SHANK2: variants seen among roughly 807,000 people sequenced by gnomAD.
SHANK2 encodes SH3 and multiple ankyrin repeat domains 2.
In SHANK2, 43 loss-of-function variants were observed where a neutral mutation model predicts 133.7. The ratio of observed to expected loss-of-function variants is 0.32; its 90% CI spans 0.25 to 0.41. The LOEUF is 0.41. SHANK2 is among the 10% of genes least tolerant of loss of function. SHANK2 has a pLI of 1.00. For synonymous variants in SHANK2, 1,017 were observed against 952.8 expected (o/e 1.07, Z -1.24); for missense variants, 1,994 against 2,235.8 (o/e 0.89, Z 2.18).
intron 15 of SHANK2, chr11:70,662,040 G>C (rs1053626313): frequency 3.9e-6 from 2 of 513,756 alleles, no homozygotes; most frequent in African/African-American, 3.9e-5. Context: ...TGGCCCGAAC[G>C]GCGGCGGCGG....
chr11:70,746,986 T>C (rs1247769051), intron 14 of SHANK2, among the ~76,000 whole-genome samples: 1 of 67,824 alleles, frequency 1.5e-5, no homozygotes, highest in Non-Finnish European at 3.1e-5. Flanking sequence ...CCTCCCTCCA[T>C]CCCTGCACCC....
rs574175484 is a variant in SHANK2, at chr11:71,225,265, A to G, written c.-112-469T>C. Among the ~76,000 whole-genome samples the G allele has an allele frequency of 1.2e-4, 18 of 152,294 alleles. 1 individual carries two copies. In the East Asian group the frequency reaches 2.9e-3, roughly 25 times the overall value. Reference sequence around the variant, plus strand: ...CAGAAAAATCTGTGGCCTCAGCCCCACCCACAGCAGCAAAGGCCGAGTAGG... The same window carrying G: ...CAGAAAAATCTGTGGCCTCAGCCCCGCCCACAGCAGCAAAGGCCGAGTAGG... On this transcript the variant is annotated intron_variant, in intron 1 of 25. Coordinates refer to ENST00000601538, the MANE Select transcript of SHANK2 (RefSeq NM_012309.5).
At chr11:70,782,516 C>G (rs1947524948) in intron 14 of SHANK2, among the ~76,000 whole-genome samples, 2 of 152,190 alleles carry the variant, frequency 1.3e-5, no homozygotes, top group Non-Finnish European at 2.9e-5. Context: ...CCCGCCTTCT[C>G]CAAGTTATAA....
At chr11:70,942,278 G>C (rs1950659003) in intron 10 of SHANK2, among the ~76,000 whole-genome samples, 1 of 152,198 alleles carries the variant, frequency 6.6e-6, no homozygotes, top group African/African-American at 2.4e-5. Context: ...CTTCTGGTGA[G>C]GGTTTCTGTG....
chr11:70,710,742 G>T (rs782654939), intron 14 of SHANK2, among the ~76,000 whole-genome samples: 1 of 152,156 alleles, frequency 6.6e-6, no homozygotes, highest in Non-Finnish European at 1.5e-5. Context: ...ACTCCTCCCC[G>T]AGCCTGCAGC....
intron 11 of SHANK2, 75 bp from the exon 12 acceptor site, chr11:70,820,757 G>C: frequency 1.7e-6 from 1 of 598,632 alleles, no homozygotes; most frequent in Non-Finnish European, 3.0e-6. Flanking sequence ...CCCTAGGGAG[G>C]TGCAGGCCTG....
chr11:71,219,073 A>G (rs572377601), intron 2 of SHANK2, among the ~76,000 whole-genome samples: 379 of 152,328 alleles, frequency 2.5e-3, no homozygotes, highest in African/African-American at 8.2e-3. Context: ...ATCACGTGCA[A>G]TGTCCCACAT....
At chr11:71,134,088 AGT>A (rs1212942528) in intron 3 of SHANK2, among the ~76,000 whole-genome samples, 1 of 151,902 alleles carries the variant, frequency 6.6e-6, no homozygotes, top group Non-Finnish European at 1.5e-5. Flanking sequence ...GTGACTTGAC[AGT>A]GCAGAAAGCT....
chr11:70,918,899 T>G (rs1384053459), intron 10 of SHANK2, among the ~76,000 whole-genome samples: 1 of 152,164 alleles, frequency 6.6e-6, no homozygotes, highest in Admixed American at 6.5e-5. Context: ...GCACAGTGGC[T>G]CAGCCTGTAA....
chr11:70,568,112 T>G (rs1176461238), intron 17 of SHANK2, among the ~76,000 whole-genome samples: 2 of 152,188 alleles, frequency 1.3e-5, no homozygotes, highest in African/African-American at 4.8e-5. Context: ...CGATCCTGCC[T>G]GCAATGGATC....
chr11:70,760,550 T>TA, intron 14 of SHANK2, among the ~76,000 whole-genome samples: 1 of 152,360 alleles, frequency 6.6e-6, no homozygotes, highest in East Asian at 1.9e-4. Flanking sequence ...AAGGTCTGAC[T>TA]CATAGCACCT....
At chr11:70,738,993 C>T (rs1357630147) in intron 14 of SHANK2, among the ~76,000 whole-genome samples, 1 of 152,230 alleles carries the variant, frequency 6.6e-6, no homozygotes, top group African/African-American at 2.4e-5. Context: ...ACGGAAGGAC[C>T]TGTGGTGTTC....
chr11:70,658,526 T>C (rs1488776983), intron 17 of SHANK2, among the ~76,000 whole-genome samples: 1 of 152,150 alleles, frequency 6.6e-6, no homozygotes, highest in African/African-American at 2.4e-5. Context: ...GATTGGTCAA[T>C]AATAATTTAA....
intron 8 of SHANK2, among the ~76,000 whole-genome samples, chr11:71,082,891 GA>G (rs1237271610): frequency 1.3e-5 from 2 of 152,160 alleles, no homozygotes; most frequent in Non-Finnish European, 2.9e-5. Context: ...GAGGGGCTGG[GA>G]GCAGGTGTGG....
Position 70,690,488 on chromosome 11 carries a change from G to GTTTTTTTTTTTTTTTTTT in SHANK2, c.1853+8182_1853+8199dup, listed in dbSNP as rs35737323. 9.1e-5 allele frequency among the ~76,000 whole-genome samples: 3 copies of GTTTTTTTTTTTTTTTTTT among 32,800 alleles called. 1 individual carries two copies. Among genetic ancestry groups the GTTTTTTTTTTTTTTTTTT allele is most frequent in the Non-Finnish European group, 1.5e-4 (3 of 19,650 alleles). 21.5% of individuals were successfully genotyped at this position (32,800 alleles called of 152,430 possible). On this transcript the variant is annotated intron_variant, in intron 15 of 25. Transcript: ENST00000601538. ...ATCATCATAATGTAATACTTCCCAT[G>GTTTTTTTTTTTTTTTTTT]TTTTTTTTTTTTTTTTTTTTTTTTT...
chr11:71,078,950 T>C (rs1286401314), intron 8 of SHANK2, among the ~76,000 whole-genome samples: 4 of 152,246 alleles, frequency 2.6e-5, no homozygotes, highest in East Asian at 1.9e-4. Flanking sequence ...ATCACCATCC[T>C]GCCCTTGAAT....
intron 11 of SHANK2, among the ~76,000 whole-genome samples, chr11:70,824,608 G>A (rs542341388): frequency 6.6e-5 from 10 of 152,216 alleles, no homozygotes; most frequent in East Asian, 1.9e-4. Context: ...CACCACCCAC[G>A]AGAAAAACCT....
intron 3 of SHANK2, among the ~76,000 whole-genome samples, chr11:71,146,321 C>A (rs1952643348): frequency 6.6e-6 from 1 of 152,204 alleles, no homozygotes. Context: ...TTCCTCTGCA[C>A]ACGAAGCTCC....
intron 17 of SHANK2, among the ~76,000 whole-genome samples, chr11:70,632,710 C>A (rs1425193843): frequency 7.9e-5 from 12 of 152,166 alleles, no homozygotes; most frequent in Non-Finnish European, 1.5e-4. Context: ...GATGCTGGGA[C>A]TCTGCCGGCC....
Sources: gnomAD v4.1 joint callset for allele counts (sites outside exome capture counted in the v4.1 genomes callset) on GRCh38, gnomAD v4.1.1 for gene constraint, MANE v1.5 for transcripts, NCBI Gene and HGNC (gene_info 2026-07-23, HGNC 2026-07-21) for gene names.